Variants in TEX11 observed in about 807,000 individuals in gnomAD.
TEX11 encodes the protein testis-expressed protein 11.
In TEX11, 7 loss-of-function variants were observed where a neutral mutation model predicts 84.4. The observed-to-expected ratio is 0.08, with a 90% CI of 0.05 to 0.16. The LOEUF is 0.16. Ranked by LOEUF, TEX11 falls within the 10% of genes least tolerant of loss-of-function variation. The probability of loss-of-function intolerance (pLI) is 1.00; values close to 1 mark genes in which losing one functional copy is unlikely to be tolerated. For missense variants in TEX11, 551 were observed against 660.5 expected (o/e 0.83, Z 1.82); for synonymous variants, 264 against 222.8 (o/e 1.18, Z -1.64).
At position 70,547,174 on chromosome X, in the gene TEX11, G is replaced by A. The variant is rs190541340; in HGVS notation, c.2520+4952C>T. ...TTCATTTATATGATGTGTCCAGAAA[G>A]AGAAAATCTACAGAGACAGAAAGCG... On this transcript the variant is annotated intron_variant, in intron 28 of 29. Transcript: ENST00000374333. 2.1e-3 allele frequency among the ~76,000 whole-genome samples: 230 copies of A among 110,288 alleles called. 1 individual carries two copies. Among genetic ancestry groups the A allele is most frequent in the Middle Eastern group, 0.014 (3 of 211 alleles).
At chrX:70,832,956 A>G (rs2091384949) in intron 8 of TEX11, among the ~76,000 whole-genome samples, 1 of 112,159 alleles carries the variant, frequency 8.9e-6, no homozygotes, top group African/African-American at 3.2e-5. Context: ...TAAAAGACAA[A>G]GCAAAGAAAA....
intron 16 of TEX11, among the ~76,000 whole-genome samples, chrX:70,665,536 A>C (rs2089968852): frequency 8.9e-6 from 1 of 112,270 alleles, no homozygotes; most frequent in Non-Finnish European, 1.9e-5. Context: ...TGTCTCATGC[A>C]AAGTACTGAA....
intron 17 of TEX11, among the ~76,000 whole-genome samples, chrX:70,634,928 T>G (rs1242494025): frequency 1.8e-5 from 2 of 111,880 alleles, no homozygotes; most frequent in African/African-American, 6.5e-5. Flanking sequence ...ATGTCGAAAT[T>G]TAAAACTTCT....
chrX:70,736,041 C>G (rs940579066), intron 11 of TEX11, among the ~76,000 whole-genome samples: 3 of 111,184 alleles, frequency 2.7e-5, no homozygotes, highest in Non-Finnish European at 3.8e-5. Flanking sequence ...CAAATATGTT[C>G]TCCCATTCTG....
At chrX:70,731,351 C>G in intron 11 of TEX11, among the ~76,000 whole-genome samples, 1 of 110,873 alleles carries the variant, frequency 9.0e-6, no homozygotes, top group Non-Finnish European at 1.9e-5. Flanking sequence ...TTCAAAAACT[C>G]AATGAATCCA....
At chrX:70,525,167 C>T (rs985694881), downstream of TEX11, among the ~76,000 whole-genome samples, 16 of 110,476 alleles carry the variant, frequency 1.4e-4, no homozygotes, top group African/African-American at 5.3e-4. Flanking sequence ...GGTGACAGAG[C>T]AAAATGCTGT....
At chrX:70,806,206 G>A (rs1187420873) in intron 9 of TEX11, among the ~76,000 whole-genome samples, 4 of 112,206 alleles carry the variant, frequency 3.6e-5, no homozygotes, top group Admixed American at 1.9e-4. Context: ...TGTAATCCCA[G>A]CACGTTGAGA....
At position 70,553,427 on chromosome X, in the gene TEX11, A is replaced by G. The variant is rs1162748750; in HGVS notation, c.2291-13T>C. On this transcript the variant is annotated splice_polypyrimidine_tract_variant and intron_variant, in intron 26 of 29. Coordinates refer to ENST00000374333, the MANE Select transcript of TEX11 (RefSeq NM_031276.3). Reference sequence around the variant, plus strand: ...TCCATTGCTATTACTAGAGTAAGAAAAGGAAAAAGGTTGTGAACATGATAA... The same window carrying G: ...TCCATTGCTATTACTAGAGTAAGAAGAGGAAAAAGGTTGTGAACATGATAA... 8.9e-7 allele frequency: 1 copy of G among 1,128,106 alleles called. No homozygotes were observed. The highest frequency in any genetic ancestry group is 2.0e-5 in the South Asian group (1 of 50,356). The allele number at this position is 1,128,106 out of a possible 1,213,427, so 93.0% of individuals were successfully genotyped here.
chrX:70,813,271 C>T (rs1186889360), intron 8 of TEX11, among the ~76,000 whole-genome samples: 1 of 111,794 alleles, frequency 8.9e-6, no homozygotes, highest in Non-Finnish European at 1.9e-5. Flanking sequence ...GGCTTCATCC[C>T]TGGGATGCAA....
At chrX:70,687,471 A>C in intron 13 of TEX11, among the ~76,000 whole-genome samples, 1 of 105,117 alleles carries the variant, frequency 9.5e-6, no homozygotes, top group Non-Finnish European at 2.0e-5. Context: ...AGTCTTTTTA[A>C]TCTAAAAAAA....
intron 9 of TEX11, among the ~76,000 whole-genome samples, chrX:70,786,664 C>G (rs1569441290): frequency 9.0e-6 from 1 of 111,245 alleles, no homozygotes. Flanking sequence ...ATGCAAATAT[C>G]CTCAACAAAA....
intron 8 of TEX11, among the ~76,000 whole-genome samples, chrX:70,817,566 G>A (rs1200368202): frequency 1.8e-5 from 2 of 110,423 alleles, no homozygotes; most frequent in Non-Finnish European, 3.8e-5. Flanking sequence ...CGCCTGTAAT[G>A]GCAGCTACTC....
chrX:70,645,435 A>C (rs111436093), intron 17 of TEX11, among the ~76,000 whole-genome samples: 1 of 111,684 alleles, frequency 9.0e-6, no homozygotes, highest in Admixed American at 9.6e-5. Context: ...ATACTACTGG[A>C]AGTCCTAGTC....
rs757939592 is a variant in TEX11 at position 70,658,272 on chromosome X, C to T, written c.1381-6720G>A. ...ATCTCTACAAAAATACAAAAATTAG[C>T]CGGGCACGATGGCGGGTGCCTGTAA... On this transcript the variant is annotated intron_variant, in intron 16 of 29. Coordinates refer to ENST00000374333, the MANE Select transcript of TEX11 (RefSeq NM_031276.3). 2.7e-5 allele frequency among the ~76,000 whole-genome samples: 3 copies of T among 110,578 alleles called. No individual in the cohort carries two copies. The East Asian group carries it at 8.6e-4, about 32-fold the overall frequency.
the TEX11 span, among the ~76,000 whole-genome samples, chrX:70,511,752 C>CAAAAAAAAAAA: frequency 1.8e-4 from 6 of 32,711 alleles, no homozygotes; most frequent in Admixed American, 2.8e-4. Context: ...GACTCCATCT[C>CAAAAAAAAAAA]AAAAAAAAAA....
chrX:70,717,131 C>T (rs1283217886), intron 13 of TEX11, among the ~76,000 whole-genome samples: 1 of 106,669 alleles, frequency 9.4e-6, no homozygotes, highest in Non-Finnish European at 1.9e-5. Flanking sequence ...ATTGTCTGCT[C>T]TCTGTCTCCT....
intron 13 of TEX11, among the ~76,000 whole-genome samples, chrX:70,711,822 T>G (rs1603231536): frequency 8.9e-6 from 1 of 111,866 alleles, no homozygotes; most frequent in East Asian, 2.8e-4. Flanking sequence ...TTTTGGCTTT[T>G]GTTGCCATTG....
intron 9 of TEX11, among the ~76,000 whole-genome samples, chrX:70,797,785 TTC>T (rs1259925419): frequency 1.9e-5 from 2 of 103,475 alleles, no homozygotes; most frequent in South Asian, 4.6e-4. Context: ...CAGAAAAATC[TTC>T]TGTTACAAAA....
chrX:70,670,611 T>A (rs2090014008), intron 15 of TEX11, 97 bp from the exon 16 acceptor site: 1 of 971,326 alleles, frequency 1.0e-6, no homozygotes, highest in African/African-American at 1.9e-5. Context: ...TGTTGGTTTC[T>A]TTTTTAGGCA....
Sources: allele counts gnomAD v4.1 joint callset (sites outside exome capture counted in the v4.1 genomes callset), GRCh38; gene constraint gnomAD v4.1.1; transcripts MANE v1.5; gene names NCBI Gene and HGNC (gene_info 2026-07-23, HGNC 2026-07-21).